The following TMEM132B variants were observed in gnomAD, a reference collection of about 807,000 sequenced individuals.
TMEM132B encodes the protein transmembrane protein 132B.
A neutral mutation model predicts 90.8 loss-of-function variants in TMEM132B; 18 were observed. That is an observed-to-expected ratio of 0.20 (90% CI 0.14 to 0.29). The LOEUF is 0.29. Among genes scored for constraint, TMEM132B ranks in the 10% least tolerant of loss-of-function variants. The pLI is 1.00. For synonymous variants in TMEM132B, 504 were observed against 523.3 expected, an observed-to-expected ratio of 0.96 and a Z score of 0.50; for missense variants, 1,096 against 1,326.8, an observed-to-expected ratio of 0.83 and a Z score of 2.70.
Position 125,460,406 on chromosome 12 carries a change from T to C in TMEM132B, c.1106+44729T>C, listed in dbSNP as rs1026074197. On this transcript the variant is annotated intron_variant, in intron 3 of 8. Transcript: ENST00000682704. The surrounding 1 kb of genome is among the most constrained non-coding windows in gnomAD (Gnocchi z 4.4). ...ACTCAGGAGGCTGAGGCAGGACAAT[T>C]GCTTGAACCCAGGAGGTGGAGGTTG... Among the ~76,000 whole-genome samples, 2 of 151,990 alleles carry C rather than the reference T, an allele frequency of 1.3e-5. No homozygotes were observed. Among genetic ancestry groups the C allele is most frequent in the Admixed American group, 6.6e-5 (1 of 15,252 alleles).
intron 3 of TMEM132B, among the ~76,000 whole-genome samples, chr12:125,443,260 G>C (rs1880921463): frequency 6.6e-6 from 1 of 152,172 alleles, no homozygotes; most frequent in Non-Finnish European, 1.5e-5. Flanking sequence ...GTTTCTTGTG[G>C]TTCAGGAGAA....
chr12:125,231,365 G>GT (rs1873817808), intron 1 of TMEM132B, among the ~76,000 whole-genome samples: 1 of 152,148 alleles, frequency 6.6e-6, no homozygotes, highest in Admixed American at 6.5e-5. Flanking sequence ...GCGGACATGA[G>GT]TTTTGAGGTG....
chr12:125,599,570 C>T lies in TMEM132B; in HGVS notation c.1437+15576C>T, dbSNP rs772282757. Among the ~76,000 whole-genome samples, 5 of 152,050 alleles carry T rather than the reference C, an allele frequency of 3.3e-5. No individual in the cohort carries two copies. In the South Asian group the frequency reaches 8.3e-4, roughly 25 times the overall value. ...TGGTGTAGGGTGTGTGGGAGCTGAACGATCATGCTTGGGTCCCATGCTCAT... is the reference window on the plus strand; with the variant it reads ...TGGTGTAGGGTGTGTGGGAGCTGAATGATCATGCTTGGGTCCCATGCTCAT... On this transcript the variant is annotated intron_variant, in intron 5 of 8. Transcript: ENST00000682704.
chr12:125,591,711 C>A (rs1397007972), intron 5 of TMEM132B, among the ~76,000 whole-genome samples: 2 of 152,210 alleles, frequency 1.3e-5, no homozygotes, highest in African/African-American at 2.4e-5. Context: ...TTCCTTGCCT[C>A]TTCCAGCTTC....
intron 3 of TMEM132B, among the ~76,000 whole-genome samples, chr12:125,421,908 T>G (rs1014766940): frequency 6.6e-6 from 1 of 152,224 alleles, no homozygotes; most frequent in Non-Finnish European, 1.5e-5. Context: ...GGGAGACAGT[T>G]GAATGATTAT....
chr12:125,548,772 T>C (rs1252976808), intron 4 of TMEM132B, among the ~76,000 whole-genome samples: 1 of 152,202 alleles, frequency 6.6e-6, no homozygotes, highest in African/African-American at 2.4e-5. Flanking sequence ...AGAAACTATC[T>C]GGAAGTCTGG....
intron 4 of TMEM132B, among the ~76,000 whole-genome samples, chr12:125,556,797 C>T (rs952066013): frequency 1.3e-5 from 2 of 152,178 alleles, no homozygotes; most frequent in Admixed American, 6.5e-5. Context: ...CTCTGTCACC[C>T]AGGCTGGAGT....
At chr12:125,381,972 T>C (rs1241342315) in intron 2 of TMEM132B, among the ~76,000 whole-genome samples, 1 of 152,098 alleles carries the variant, frequency 6.6e-6, no homozygotes. Context: ...TCTGTGGAGG[T>C]CTTGCCAATT....
At chr12:125,346,621 CGACATTG>C (rs1370325542) in intron 1 of TMEM132B, among the ~76,000 whole-genome samples, 14 of 152,276 alleles carry the variant, frequency 9.2e-5, no homozygotes, top group East Asian at 1.9e-4. Context: ...CTGCATTGCT[CGACATTG>C]TCAAAATACA....
In TMEM132B at chr12:125,231,788, A is replaced by G. The variant is rs115472807; in HGVS notation, c.67+44922A>G. ...TAAAAAAAAAACCCAAAGGCTTACA[A>G]TCTTTGTACCGATCCCTATTAATAC... On this transcript the variant is annotated intron_variant, in intron 1 of 8. Coordinates refer to ENST00000682704, the MANE Select transcript of TMEM132B (RefSeq NM_001366854.1). Among the ~76,000 whole-genome samples, 522 of 152,228 alleles carry G rather than the reference A, an allele frequency of 3.4e-3. 5 individuals carry two copies. Among genetic ancestry groups the G allele is most frequent in the African/African-American group, 0.012 (497 of 41,550 alleles).
intron 1 of TMEM132B, among the ~76,000 whole-genome samples, chr12:125,315,505 A>G (rs1459576704): frequency 6.6e-6 from 1 of 152,206 alleles, no homozygotes; most frequent in East Asian, 1.9e-4. Flanking sequence ...GGTCAATAAT[A>G]GGAATTGTTA....
At chr12:125,644,423 G>A in intron 6 of TMEM132B, 142 bp downstream of exon 6, 1 of 785,336 alleles carries the variant, frequency 1.3e-6, no homozygotes, top group East Asian at 2.7e-5. Context: ...GGGTTCAGAT[G>A]GATCTGACTT....
chr12:125,257,644 A>G (rs1874469823), intron 1 of TMEM132B, among the ~76,000 whole-genome samples: 1 of 152,060 alleles, frequency 6.6e-6, no homozygotes, highest in Non-Finnish European at 1.5e-5. Flanking sequence ...CAAAAACTCT[A>G]TAGATGTGAT....
chr12:125,389,900 A>T lies in TMEM132B; in HGVS notation c.960-25631A>T, dbSNP rs575111873. Among the ~76,000 whole-genome samples the T allele has an allele frequency of 1.1e-4, 17 of 152,380 alleles. No individual in the cohort carries two copies. In the South Asian group the frequency reaches 3.5e-3, roughly 32 times the overall value. On this transcript the variant is annotated intron_variant, in intron 2 of 8. Coordinates refer to ENST00000682704, the MANE Select transcript of TMEM132B (RefSeq NM_001366854.1). ...AGTTTAAAGAAAACTTTATATAGAC[A>T]TATACCCACAGACAGTAAATGCACA... is the stretch of plus-strand genomic sequence containing the variant.
At chr12:125,384,915 G>A (rs1037557424) in intron 2 of TMEM132B, among the ~76,000 whole-genome samples, 2 of 152,194 alleles carry the variant, frequency 1.3e-5, no homozygotes, top group Admixed American at 6.5e-5. Context: ...GCCTCCCAAA[G>A]TACTGGGATT....
At chr12:125,326,591 G>C in intron 1 of TMEM132B, 1 of 1,595,146 alleles carries the variant, frequency 6.3e-7, no homozygotes, top group South Asian at 1.1e-5. Flanking sequence ...TGAAGATTTG[G>C]TGCCCTCGCC....
intron 4 of TMEM132B, among the ~76,000 whole-genome samples, chr12:125,565,759 CCT>C (rs1326607136): frequency 6.6e-5 from 10 of 152,178 alleles, no homozygotes; most frequent in Non-Finnish European, 1.5e-4. Flanking sequence ...CTATTCTTCT[CCT>C]CTTTTGTTCA....
rs566773180 is a variant in TMEM132B at position 125,644,901 on chromosome 12, C to T, written c.1643+620C>T. Among the ~76,000 whole-genome samples, 303 of 152,202 alleles carry T rather than the reference C, an allele frequency of 2.0e-3. 3 individuals carry two copies. Among genetic ancestry groups the T allele is most frequent in the African/African-American group, 6.7e-3 (279 of 41,520 alleles). On this transcript the variant is annotated intron_variant, in intron 6 of 8. Coordinates refer to ENST00000682704, the MANE Select transcript of TMEM132B (RefSeq NM_001366854.1). ...TGATAACATTACTGAAGGGTTGTCC[C>T]CAGAACTCAGTGAATGGATACATAC...
intron 3 of TMEM132B, among the ~76,000 whole-genome samples, chr12:125,484,951 G>T (rs1425265288): frequency 6.6e-6 from 1 of 152,028 alleles, no homozygotes; most frequent in Admixed American, 6.6e-5. Flanking sequence ...GTAGGCTGGT[G>T]TCCTCCAAAA....
Sources: allele counts gnomAD v4.1 joint callset (sites outside exome capture counted in the v4.1 genomes callset), GRCh38; gene constraint gnomAD v4.1.1; non-coding constraint Gnocchi (gnomAD v3.1); transcripts MANE v1.5; gene names NCBI Gene and HGNC (gene_info 2026-07-23, HGNC 2026-07-21).